The following DAB1 variants were observed in gnomAD, a reference collection of about 807,000 sequenced individuals.
DAB1 encodes the protein disabled homolog 1.
DAB1 carries 15 observed loss-of-function variants against 64.6 expected under a neutral mutation model. That is an observed-to-expected ratio of 0.23 (90% CI 0.16 to 0.36). The LOEUF (loss-of-function observed/expected upper bound fraction) is 0.36, where lower values mean the gene tolerates loss of function less well. Ranked by LOEUF, DAB1 falls within the 10% of genes least tolerant of loss-of-function variation. DAB1 has a pLI of 1.00. For synonymous variants in DAB1, 235 were observed against 251.9 expected (o/e 0.93, Z 0.64); for missense variants, 596 against 706.7 (o/e 0.84, Z 1.78).
intron 6 of DAB1, among the ~76,000 whole-genome samples, chr1:57,814,292 T>C (rs1294088665): frequency 1.3e-5 from 2 of 152,250 alleles, no homozygotes; most frequent in Admixed American, 1.3e-4. Context: ...TGAATCCATC[T>C]GGCCACACAT....
chr1:58,052,841 CTGTT>C (rs1447181635), intron 5 of DAB1, among the ~76,000 whole-genome samples: 4 of 152,174 alleles, frequency 2.6e-5, no homozygotes, highest in African/African-American at 9.7e-5. Context: ...ATTTGGCTCT[CTGTT>C]TGTTGAATAG....
At chr1:57,888,156 G>T (rs1349706173), upstream of DAB1, among the ~76,000 whole-genome samples, 1 of 152,128 alleles carries the variant, frequency 6.6e-6, no homozygotes, top group Non-Finnish European at 1.5e-5. Context: ...TTTTCTTTGA[G>T]GGGGGATGGG....
chr1:57,359,630 T>G (rs1032175665), intron 1 of DAB1, among the ~76,000 whole-genome samples: 1 of 151,868 alleles, frequency 6.6e-6, no homozygotes, highest in Non-Finnish European at 1.5e-5. Context: ...TGAAGAGATA[T>G]CCACACACCC....
chr1:57,267,161 T>A (rs981958027), intron 2 of DAB1, among the ~76,000 whole-genome samples: 23 of 152,004 alleles, frequency 1.5e-4, no homozygotes, highest in African/African-American at 5.5e-4. Flanking sequence ...AAGAGACACA[T>A]AGAGAAGGCT....
intron 3 of DAB1, among the ~76,000 whole-genome samples, chr1:58,385,741 T>C (rs930226049): frequency 4.6e-5 from 7 of 152,220 alleles, no homozygotes; most frequent in African/African-American, 1.7e-4. Context: ...TAAGGTTGCT[T>C]TGAGATGATA....
At chr1:57,646,165 A>G in intron 7 of DAB1, among the ~76,000 whole-genome samples, 1 of 152,234 alleles carries the variant, frequency 6.6e-6, no homozygotes, top group East Asian at 1.9e-4. Context: ...ACAAATTAAA[A>G]CAATACAATA....
chr1:57,674,919 T>C (rs1204310119), intron 6 of DAB1, among the ~76,000 whole-genome samples: 1 of 152,324 alleles, frequency 6.6e-6, no homozygotes, highest in Admixed American at 6.5e-5. Context: ...CTTCACTACA[T>C]TTTCCAGTCT....
intron 4 of DAB1, among the ~76,000 whole-genome samples, chr1:58,197,423 C>T (rs1370528839): frequency 2.1e-5 from 3 of 142,270 alleles, no homozygotes; most frequent in Non-Finnish European, 4.6e-5. Context: ...TTTTTTAAGA[C>T]AGAGTCTTGC....
At chr1:57,342,985 G>C (rs898271833) in intron 1 of DAB1, among the ~76,000 whole-genome samples, 1 of 151,908 alleles carries the variant, frequency 6.6e-6, no homozygotes. Context: ...CTCAGAAGGG[G>C]ACCCGAGCGG....
At chr1:57,020,136 G>C (rs1390752060) in intron 11 of DAB1, among the ~76,000 whole-genome samples, 1 of 152,154 alleles carries the variant, frequency 6.6e-6, no homozygotes, top group Non-Finnish European at 1.5e-5. Context: ...ACCCTGTGCA[G>C]CTTACATTTT....
intron 5 of DAB1, among the ~76,000 whole-genome samples, chr1:57,932,600 T>C (rs1644969647): frequency 6.6e-6 from 1 of 152,122 alleles, no homozygotes; most frequent in South Asian, 2.1e-4. Context: ...GTGTTTATCT[T>C]ATGTAGTTTG....
chr1:57,245,438 C>T (rs1248993102), intron 2 of DAB1, among the ~76,000 whole-genome samples: 3 of 152,158 alleles, frequency 2.0e-5, no homozygotes, highest in Admixed American at 6.5e-5. Context: ...CCCAGGCCCC[C>T]ATCCCCTGAA....
chr1:58,534,202 T>C, intron 1 of DAB1: 1 of 871,900 alleles, frequency 1.1e-6, no homozygotes. Context: ...ACCACATGAA[T>C]AACCCAATTG....
intron 4 of DAB1, among the ~76,000 whole-genome samples, chr1:57,103,320 C>T (rs1223818948): frequency 2.6e-5 from 4 of 152,104 alleles, no homozygotes; most frequent in Admixed American, 6.6e-5. Context: ...GTGCCAACAC[C>T]GGACAAGTCA....
At chr1:57,151,437 G>A (rs1659656984) in intron 2 of DAB1, among the ~76,000 whole-genome samples, 1 of 152,060 alleles carries the variant, frequency 6.6e-6, no homozygotes, top group African/African-American at 2.4e-5. Flanking sequence ...TCTAAGTTTA[G>A]TGTAATGAAG....
At chr1:58,137,479 C>T (rs181536977) in intron 5 of DAB1, among the ~76,000 whole-genome samples, 5 of 152,256 alleles carry the variant, frequency 3.3e-5, no homozygotes, top group East Asian at 1.9e-4. Flanking sequence ...TTTATCCATT[C>T]ACCCTCCATC....
chr1:57,322,300 G>A (rs534355789), intron 1 of DAB1, among the ~76,000 whole-genome samples: 1 of 152,192 alleles, frequency 6.6e-6, no homozygotes, highest in South Asian at 2.1e-4. Flanking sequence ...TTCCATTAAC[G>A]CATTACAAAG....
intron 4 of DAB1, among the ~76,000 whole-genome samples, chr1:58,184,457 C>A (rs1025988487): frequency 6.6e-6 from 1 of 151,752 alleles, no homozygotes. Flanking sequence ...ATTCTGCCTC[C>A]TATTCAATTT....
intron 5 of DAB1, among the ~76,000 whole-genome samples, chr1:58,129,448 T>C (rs1653372032): frequency 7.7e-6 from 1 of 129,964 alleles, no homozygotes; most frequent in Non-Finnish European, 1.6e-5. Flanking sequence ...TTTTTGTGTC[T>C]CTATTTCCTT....
Sources: gnomAD v4.1 joint callset for allele counts (sites outside exome capture counted in the v4.1 genomes callset) on GRCh38, gnomAD v4.1.1 for gene constraint, MANE v1.5 for transcripts, NCBI Gene and HGNC (gene_info 2026-07-23, HGNC 2026-07-21) for gene names.